DUS2: variants seen among roughly 807,000 people sequenced by gnomAD.
DUS2 encodes tRNA-dihydrouridine(20) synthase [NAD(P)+]-like.
DUS2 carries 52 observed loss-of-function variants against 71.3 expected under a neutral mutation model. The ratio of observed to expected loss-of-function variants is 0.73; its 90% CI spans 0.58 to 0.92. The LOEUF is 0.92. Ranked by LOEUF, DUS2 falls within the 40% of genes least tolerant of loss-of-function variation. The pLI is 0.00. For synonymous variants in DUS2, 204 were observed against 227.8 expected (o/e 0.90, Z 0.94); for missense variants, 558 against 622.6 (o/e 0.90, Z 1.10).
At chr16:68,056,115 A>T (rs2033847854) in intron 6 of DUS2, among the ~76,000 whole-genome samples, 1 of 152,040 alleles carries the variant, frequency 6.6e-6, no homozygotes, top group South Asian at 2.1e-4. Flanking sequence ...AGCCCTCTTC[A>T]TCTAGCCCTT....
At chr16:68,065,898 AAC>A (rs1249421549) in intron 8 of DUS2, among the ~76,000 whole-genome samples, 3 of 151,934 alleles carry the variant, frequency 2.0e-5, no homozygotes, top group Non-Finnish European at 4.4e-5. Context: ...GCCTTTTGAA[AAC>A]ACACATTCCT....
chr16:68,078,299 T>C, intron 15 of DUS2, 146 bp from the exon 16 acceptor site: 1 of 737,358 alleles, frequency 1.4e-6, no homozygotes, highest in East Asian at 2.5e-5. Flanking sequence ...TGGGCACTTT[T>C]GCTTGGGAGG....
chr16:68,076,541 T>G (rs909033818), intron 14 of DUS2, 91 bp from the exon 15 acceptor site: 6 of 937,950 alleles, frequency 6.4e-6, no homozygotes, highest in Non-Finnish European at 1.0e-5. Flanking sequence ...CTCTCATTTC[T>G]GCAGCTCCTT....
chr16:68,067,661 A>G (rs922736627), intron 10 of DUS2, among the ~76,000 whole-genome samples: 9 of 150,954 alleles, frequency 6.0e-5, no homozygotes, highest in Non-Finnish European at 1.3e-4. Flanking sequence ...TGTGTTTTTC[A>G]TTGTTGTTGT....
At chr16:68,036,327 A>G (rs1049549877) in intron 2 of DUS2, among the ~76,000 whole-genome samples, 30 of 152,108 alleles carry the variant, frequency 2.0e-4, no homozygotes, top group African/African-American at 6.3e-4. Flanking sequence ...TGCCCAGCTA[A>G]TTTTTGTATT....
intron 2 of DUS2, among the ~76,000 whole-genome samples, chr16:68,036,098 G>A (rs2033522466): frequency 6.6e-6 from 1 of 151,226 alleles, no homozygotes; most frequent in South Asian, 2.1e-4. Context: ...CTGGGTTCAA[G>A]CAATTCTCTT....
chr16:68,078,119 C>T (rs900318348), intron 15 of DUS2: 2 of 362,888 alleles, frequency 5.5e-6, no homozygotes, highest in Admixed American at 4.1e-5. Flanking sequence ...CTAGCTTGTC[C>T]CTTCTCACCC....
chr16:68,066,496 C>T, intron 9 of DUS2, 70 bp from the exon 10 acceptor site: 2 of 1,584,460 alleles, frequency 1.3e-6, no homozygotes, highest in Admixed American at 3.3e-5. Context: ...TAGAGCTGAG[C>T]CTACTTTAGG....
At chr16:68,075,636 G>T (rs887416261) in intron 14 of DUS2, 132 bp downstream of exon 14, 1 of 970,400 alleles carries the variant, frequency 1.0e-6, no homozygotes, top group African/African-American at 1.7e-5. Context: ...TTGGAAACTC[G>T]TTCTAAATTT....
intron 8 of DUS2, 104 bp downstream of exon 8, chr16:68,061,217 C>A: frequency 1.6e-6 from 2 of 1,240,230 alleles, no homozygotes; most frequent in South Asian, 1.3e-5. Context: ...GATGTCCACC[C>A]AGTTTCTCTC....
intron 7 of DUS2, among the ~76,000 whole-genome samples, chr16:68,056,994 TATAA>T (rs1209774155): frequency 7.1e-6 from 1 of 140,436 alleles, no homozygotes; most frequent in African/African-American, 2.6e-5. Context: ...ACAATAAATA[TATAA>T]ATATATAATA....
intron 10 of DUS2, among the ~76,000 whole-genome samples, chr16:68,068,016 C>A (rs1029033980): frequency 2.0e-5 from 3 of 152,220 alleles, no homozygotes; most frequent in Non-Finnish European, 4.4e-5. Flanking sequence ...CCAGCTGTCA[C>A]AATGACTAAA....
intron 10 of DUS2, among the ~76,000 whole-genome samples, chr16:68,067,346 G>A (rs1455235862): frequency 4.1e-5 from 5 of 121,858 alleles, no homozygotes; most frequent in African/African-American, 1.6e-4. Context: ...CAGTAGCGCA[G>A]TCTTGGCTCA....
Position 68,049,514 on chromosome 16 carries a change from G to C in DUS2, c.136G>C (p.Asp46His). The C allele has an allele frequency of 6.2e-7, 1 of 1,614,120 alleles. No individual in the cohort carries two copies. The highest frequency in any genetic ancestry group is 8.5e-7 in the Non-Finnish European group (1 of 1,180,004). ...TCTGATTCCTCTGCAGGAGCTGATC[G>C]ACCTCAAGATGATTCAGTGCAAGAG... ...ADIVYCEELI[D>H]LKMIQCKRVV... Residue 46 changes from aspartate (D) to histidine (H), a missense_variant, in exon 4 of 17, where the codon GAC becomes CAC. Transcript: ENST00000565263.
intron 10 of DUS2, among the ~76,000 whole-genome samples, chr16:68,066,874 A>C (rs1169230589): frequency 6.6e-6 from 1 of 152,150 alleles, no homozygotes; most frequent in Non-Finnish European, 1.5e-5. Flanking sequence ...TGAGGTTTAG[A>C]GACACAGAGA....
At chr16:68,041,703 T>G (rs2033627128) in intron 3 of DUS2, among the ~76,000 whole-genome samples, 2 of 151,744 alleles carry the variant, frequency 1.3e-5, no homozygotes, top group Non-Finnish European at 2.9e-5. Flanking sequence ...TCCCAGCTAC[T>G]TGGGAGGTTG....
At chr16:68,042,922 G>T (rs979681505) in intron 3 of DUS2, among the ~76,000 whole-genome samples, 6 of 151,896 alleles carry the variant, frequency 4.0e-5, no homozygotes, top group African/African-American at 1.5e-4. Flanking sequence ...TGGCCAGACT[G>T]GTCTCGAACT....
At chr16:68,065,606 G>A (rs1379899095) in intron 8 of DUS2, among the ~76,000 whole-genome samples, 1 of 151,956 alleles carries the variant, frequency 6.6e-6, no homozygotes, top group Non-Finnish European at 1.5e-5. Context: ...ACTCTAGCCT[G>A]GGAAACAGAG....
At chr16:68,024,504 G>A (rs557608139) in intron 1 of DUS2, among the ~76,000 whole-genome samples, 16 of 152,108 alleles carry the variant, frequency 1.1e-4, no homozygotes, top group Non-Finnish European at 7.3e-5. Context: ...CTCTCTGGGA[G>A]GTTCGTAACA....
Sources: gnomAD v4.1 joint callset for allele counts (sites outside exome capture counted in the v4.1 genomes callset) on GRCh38, gnomAD v4.1.1 for gene constraint, MANE v1.5 for transcripts, NCBI Gene and HGNC (gene_info 2026-07-23, HGNC 2026-07-21) for gene names.